The following C7 variants were observed in gnomAD, a reference collection of about 807,000 sequenced individuals.
C7 encodes complement component C7.
C7 carries 83 observed loss-of-function variants against 104.8 expected under a neutral mutation model. The observed-to-expected ratio is 0.79, with a 90% confidence interval of 0.66 to 0.95. The LOEUF (loss-of-function observed/expected upper bound fraction) is 0.95. C7 is among the 40% of genes least tolerant of loss of function. The pLI is 0.00. For synonymous variants in C7, 415 were observed against 360.6 expected (o/e 1.15, Z -1.71); for missense variants, 1,070 against 1,011.2 (o/e 1.06, Z -0.79).
intron 14 of C7, among the ~76,000 whole-genome samples, chr5:40,967,127 G>A (rs573057162): frequency 1.5e-4 from 22 of 150,474 alleles, no homozygotes; most frequent in Non-Finnish European, 2.5e-4. Context: ...GTGCAGTGGC[G>A]TGATCTTGCC....
chr5:40,916,949 A>G (rs895075263), intron 1 of C7, among the ~76,000 whole-genome samples: 2 of 152,092 alleles, frequency 1.3e-5, no homozygotes, highest in African/African-American at 4.8e-5. Flanking sequence ...AGCCTGGCCA[A>G]CATAGTGAAA....
intron 1 of C7, among the ~76,000 whole-genome samples, chr5:40,911,941 G>T (rs1374443357): frequency 1.3e-5 from 2 of 150,982 alleles, no homozygotes; most frequent in Admixed American, 1.3e-4. Flanking sequence ...GTAAAGATGG[G>T]GTTTCACCAT....
intron 3 of C7, among the ~76,000 whole-genome samples, 154 bp from the exon 4 acceptor site, chr5:40,934,171 T>C (rs897509376): frequency 1.3e-5 from 2 of 152,116 alleles, no homozygotes; most frequent in Non-Finnish European, 2.9e-5. Context: ...GATTTTGAGG[T>C]TTTATTTCTG....
intron 2 of C7, 40 bp downstream of exon 2, chr5:40,928,675 T>A (rs1351121097): frequency 1.5e-6 from 2 of 1,306,610 alleles, no homozygotes; most frequent in Non-Finnish European, 2.1e-6. Context: ...TCATTAAATT[T>A]AAAAAATGTT....
intron 1 of C7, among the ~76,000 whole-genome samples, chr5:40,911,290 C>A (rs1242832552): frequency 6.6e-6 from 1 of 152,194 alleles, no homozygotes. Context: ...GAAATGGTTT[C>A]TATGTCAGAC....
chr5:40,910,316 A>G (rs1739180213), intron 1 of C7, among the ~76,000 whole-genome samples: 1 of 152,214 alleles, frequency 6.6e-6, no homozygotes, highest in Non-Finnish European at 1.5e-5. Context: ...TTGCTATTCA[A>G]ATTTTATTAT....
intron 13 of C7, among the ~76,000 whole-genome samples, chr5:40,963,255 C>G (rs1740459810): frequency 6.6e-6 from 1 of 152,206 alleles, no homozygotes; most frequent in South Asian, 2.1e-4. Flanking sequence ...GGCTCTTTCT[C>G]ACTTGTCCTC....
At chr5:40,914,833 A>G (rs1739286485) in intron 1 of C7, among the ~76,000 whole-genome samples, 2 of 152,216 alleles carry the variant, frequency 1.3e-5, no homozygotes, top group African/African-American at 4.8e-5. Context: ...GTAAAGGTAC[A>G]GACCTCCTTT....
chr5:40,964,713 T>C, intron 13 of C7, 28 bp from the exon 14 acceptor site: 4 of 1,604,114 alleles, frequency 2.5e-6, no homozygotes, highest in Non-Finnish European at 3.4e-6. Flanking sequence ...ACAAACTCTT[T>C]CCTTTTCCAT....
At chr5:40,965,592 C>T (rs1230230640) in intron 14 of C7, among the ~76,000 whole-genome samples, 4 of 151,148 alleles carry the variant, frequency 2.6e-5, no homozygotes, top group Non-Finnish European at 5.9e-5. Flanking sequence ...CTTACTAACA[C>T]TTGATAGCAT....
rs137981469 is a variant in C7 at position 40,940,426 on chromosome 5, A to G, written c.567+2736A>G. Reference sequence around the variant, plus strand: ...CTATTGTGTTTATTCTCAGTGTGTGATGAATTGCAGAAGGGAATGAATTAT... The same window carrying G: ...CTATTGTGTTTATTCTCAGTGTGTGGTGAATTGCAGAAGGGAATGAATTAT... On this transcript the variant is annotated intron_variant, in intron 6 of 17. Transcript: ENST00000313164. Among the ~76,000 whole-genome samples the G allele has an allele frequency of 3.8e-3, 575 of 152,324 alleles. 4 individuals are homozygous for G. Among genetic ancestry groups the G allele is most frequent in the African/African-American group, 0.013 (522 of 41,566 alleles).
intron 3 of C7, among the ~76,000 whole-genome samples, chr5:40,932,833 T>G (rs556628694): frequency 6.6e-6 from 1 of 152,176 alleles, no homozygotes; most frequent in East Asian, 1.9e-4. Flanking sequence ...AATGGATACA[T>G]CCTAGATTAT....
intron 1 of C7, among the ~76,000 whole-genome samples, chr5:40,920,536 T>TAAA (rs555616278): frequency 4.9e-5 from 6 of 121,716 alleles, no homozygotes; most frequent in Middle Eastern, 4.1e-3. Flanking sequence ...GTTCTCCCAT[T>TAAA]AAAAAAAAAA....
rs1383560710 is a variant in C7 at position 40,945,223 on chromosome 5, A to T, written c.593A>T (p.Tyr198Phe). ...FQVKINNDFN[Y>F]EFYNSTWSYV... ...GTGAAAATAAATAATGATTTTAATT[A>T]TGAATTTTACAATAGTACTTGGTCT... The change falls in exon 7 of 18, where the codon TAT (tyrosine) becomes TTT (phenylalanine). Residue 198 changes from tyrosine to phenylalanine, a missense_variant. By Grantham distance (22) the Tyr-to-Phe change is conservative. Coordinates refer to ENST00000313164, the MANE Select transcript of C7 (RefSeq NM_000587.4). 1 of 1,515,872 alleles carries T rather than the reference A, an allele frequency of 6.6e-7. No homozygotes were observed. The highest frequency in any genetic ancestry group is 8.9e-7 in the Non-Finnish European group (1 of 1,125,382). The allele number at this position is 1,515,872 out of a possible 1,614,324, so 93.9% of individuals were successfully genotyped here.
At chr5:40,974,741 AC>A (rs1740778363) in intron 15 of C7, among the ~76,000 whole-genome samples, 1 of 152,302 alleles carries the variant, frequency 6.6e-6, no homozygotes. Flanking sequence ...GTTTAAGCAA[AC>A]TTTTAAAATC....
At chr5:40,948,938 C>G (rs1340396525) in intron 8 of C7, among the ~76,000 whole-genome samples, 1 of 151,732 alleles carries the variant, frequency 6.6e-6, no homozygotes, top group East Asian at 1.9e-4. Flanking sequence ...TTGAAGTTCT[C>G]TACTACATAA....
intron 4 of C7, 33 bp downstream of exon 4, chr5:40,934,499 T>C (rs751544354): frequency 6.2e-7 from 1 of 1,605,456 alleles, no homozygotes; most frequent in Non-Finnish European, 8.5e-7. Flanking sequence ...AGCATGCAGA[T>C]TGTAAATTCA....
intron 1 of C7, among the ~76,000 whole-genome samples, chr5:40,918,088 A>C (rs1453218650): frequency 6.6e-6 from 1 of 152,204 alleles, no homozygotes; most frequent in African/African-American, 2.4e-5. Flanking sequence ...AATAGTATTC[A>C]AAGAATACCA....
intron 14 of C7, chr5:40,967,700 T>C (rs1740588323): frequency 5.3e-6 from 1 of 187,464 alleles, no homozygotes; most frequent in Non-Finnish European, 1.1e-5. Context: ...TCTTGTCATC[T>C]TCTAAATTTC....
Sources: gnomAD v4.1 joint callset for allele counts (sites outside exome capture counted in the v4.1 genomes callset) on GRCh38, gnomAD v4.1.1 for gene constraint, MANE v1.5 for transcripts, NCBI Gene and HGNC (gene_info 2026-07-23, HGNC 2026-07-21) for gene names.